Variants in DUSP22 observed in about 807,000 individuals in gnomAD.
The protein encoded by DUSP22 is dual specificity protein phosphatase 22.
Under a neutral mutation model 24.5 loss-of-function variants are expected in DUSP22, and 24 were observed. The observed-to-expected ratio is 0.98, with a 90% CI of 0.71 to 1.38. The LOEUF is 1.38. Ranked by LOEUF, DUSP22 falls within the 40% of genes most tolerant of loss-of-function variation. DUSP22 has a pLI of 0.00. For synonymous variants in DUSP22, 160 were observed against 106.4 expected (o/e 1.50, Z -3.10); for missense variants, 330 against 269.2 (o/e 1.23, Z -1.58).
At chr6:313,135 A>G (rs1255060730) in intron 3 of DUSP22, among the ~76,000 whole-genome samples, 5 of 152,308 alleles carry the variant, frequency 3.3e-5, no homozygotes, top group South Asian at 2.1e-4. Flanking sequence ...CAGCCAAGCT[A>G]TGGCCAAGAT....
intron 6 of DUSP22, 129 bp downstream of exon 6, chr6:348,403 G>A (rs1759992828): frequency 1.4e-6 from 2 of 1,448,270 alleles, no homozygotes; most frequent in Admixed American, 2.2e-5. Flanking sequence ...CGGCTCCCAG[G>A]GCGCCCAGCT....
intron 3 of DUSP22, among the ~76,000 whole-genome samples, chr6:326,827 T>G (rs1189740228): frequency 6.6e-6 from 1 of 152,308 alleles, no homozygotes; most frequent in Non-Finnish European, 1.5e-5. Context: ...AGCTGCAGAT[T>G]AAGAATGCTG....
chr6:329,019 A>G (rs1310046352), intron 3 of DUSP22, among the ~76,000 whole-genome samples: 2 of 152,310 alleles, frequency 1.3e-5, no homozygotes, highest in Admixed American at 6.5e-5. Flanking sequence ...TGGAGGAGAA[A>G]TAATCAAAAT....
rs777078688 is a variant in DUSP22 at position 335,115 on chromosome 6, G to T, written c.140G>T (p.Gly47Val). The T allele has an allele frequency of 1.2e-6, 2 of 1,613,564 alleles. No homozygotes were observed. The highest frequency in any genetic ancestry group is 1.7e-6 in the Non-Finnish European group (2 of 1,179,498). Residue 47 changes from glycine (G) to valine (V), a missense_variant and splice_region_variant, in exon 4 of 7, where the codon GGA (glycine) becomes GTA (valine). Gly to Val is a moderately radical substitution (Grantham distance 109, BLOSUM62 -3). Transcript: ENST00000419235. ...TATTTACTTTTTATTATTCTGCAGG[G>T]AGTTAAATACCTGTGCATCCCAGCA... ...VHDSARPMLE[G>V]VKYLCIPAAD...
At chr6:328,179 C>A (rs1349485228) in intron 3 of DUSP22, among the ~76,000 whole-genome samples, 1 of 152,308 alleles carries the variant, frequency 6.6e-6, no homozygotes, top group Non-Finnish European at 1.5e-5. Flanking sequence ...TTAAGTAATA[C>A]CACGGAATGC....
intron 5 of DUSP22, among the ~76,000 whole-genome samples, chr6:346,169 G>T (rs866816217): frequency 6.6e-6 from 1 of 152,426 alleles, no homozygotes; most frequent in South Asian, 2.1e-4. Flanking sequence ...TAGGATTTCT[G>T]TAGGGACCGT....
intron 3 of DUSP22, among the ~76,000 whole-genome samples, chr6:324,000 A>G (rs1308462962): frequency 6.6e-6 from 1 of 152,306 alleles, no homozygotes; most frequent in Non-Finnish European, 1.5e-5. Flanking sequence ...AGAAGAAAAG[A>G]TCTCATAACT....
Position 350,517 on chromosome 6 carries a change from A to G in DUSP22, c.*1566A>G. ...TCCTGTGCATATAGAGGGTGTGTCA[A>G]AGGTGAGCTTTTTGGGGACCGGGAA... is the stretch of plus-strand genomic sequence containing the variant. On this transcript the variant is annotated 3_prime_UTR_variant, in exon 7 of 7. Transcript: ENST00000419235. 7.6e-7 allele frequency: 1 copy of G among 1,315,162 alleles called. No individual in the cohort carries two copies. The highest frequency in any genetic ancestry group is 9.7e-7 in the Non-Finnish European group (1 of 1,029,982). The allele number at this position is 1,315,162 out of a possible 1,614,324, so 81.5% of individuals were successfully genotyped here.
At chr6:319,189 G>T (rs1342118077) in intron 3 of DUSP22, among the ~76,000 whole-genome samples, 1 of 152,294 alleles carries the variant, frequency 6.6e-6, no homozygotes, top group African/African-American at 2.4e-5. Flanking sequence ...TCATGTCCAA[G>T]TATCTATTCG....
Position 349,413 on chromosome 6 carries a change from T to A in DUSP22, c.*462T>A. The A allele has an allele frequency of 2.0e-6, 2 of 1,019,518 alleles. No homozygotes were observed. Among genetic ancestry groups the A allele is most frequent in the Admixed American group, 5.4e-5 (1 of 18,396 alleles). 63.2% of individuals were successfully genotyped at this position (1,019,518 alleles called of 1,614,324 possible). A position where few individuals can be genotyped will look rare whatever the true frequency, so the allele number is the denominator to read the frequency against. ...CTGCCCGGGTTGGTGTGGCCACCTT[T>A]CCCTTTGTCCAAGACTCCACATGGA... On this transcript the variant is annotated 3_prime_UTR_variant, in exon 7 of 7. Transcript: ENST00000419235.
At chr6:293,262 C>T (rs1018218524) in intron 1 of DUSP22, among the ~76,000 whole-genome samples, 2 of 152,290 alleles carry the variant, frequency 1.3e-5, no homozygotes, top group Admixed American at 6.5e-5. Context: ...ACCTCACTTC[C>T]CGGGCGGTGG....
At chr6:331,701 T>G (rs1186866586) in intron 3 of DUSP22, among the ~76,000 whole-genome samples, 1 of 152,304 alleles carries the variant, frequency 6.6e-6, no homozygotes, top group Non-Finnish European at 1.5e-5. Context: ...ATTGTACACA[T>G]GTGCAGGTAT....
intron 3 of DUSP22, 142 bp downstream of exon 3, chr6:312,104 C>A: frequency 1.1e-6 from 1 of 950,584 alleles, no homozygotes; most frequent in Non-Finnish European, 1.5e-6. Context: ...TGTGTTCAGG[C>A]CGTGTTGATG....
chr6:317,696 C>T (rs1375722510), intron 3 of DUSP22, among the ~76,000 whole-genome samples: 1 of 152,306 alleles, frequency 6.6e-6, no homozygotes, highest in African/African-American at 2.4e-5. Flanking sequence ...CATCGGGCTC[C>T]TGAGCTGGCC....
intron 3 of DUSP22, among the ~76,000 whole-genome samples, chr6:324,520 C>G (rs1308919419): frequency 6.6e-6 from 1 of 152,306 alleles, no homozygotes; most frequent in Non-Finnish European, 1.5e-5. Flanking sequence ...AGCCGCTGTT[C>G]TCATTTCTCT....
rs1434637005 is a variant in DUSP22, at chr6:349,327, C to G, written c.*376C>G. 2 of 1,093,362 alleles carry G rather than the reference C, an allele frequency of 1.8e-6. No individual in the cohort carries two copies. The highest frequency in any genetic ancestry group is 9.7e-5 in the Admixed American group (2 of 20,578). 67.7% of individuals were successfully genotyped at this position (1,093,362 alleles called of 1,614,324 possible). A position where few individuals can be genotyped will look rare whatever the true frequency, so the allele number is the denominator to read the frequency against. On this transcript the variant is annotated 3_prime_UTR_variant, in exon 7 of 7. Coordinates refer to ENST00000419235, the MANE Select transcript of DUSP22 (RefSeq NM_001286555.3). ...TGTATGTTGTGAAAGTGTCTGTGCA[C>G]ATGAATGTTTGTGTGTGTGTGAACT...
Position 350,181 on chromosome 6 carries a change from A to T in DUSP22, c.*1230A>T. On this transcript the variant is annotated 3_prime_UTR_variant, in exon 7 of 7. Transcript: ENST00000419235. ...AATGTTCGGTCATGATTGCTTTTGA[A>T]ACCAAAGGGGAAGGTACCGATATCA... The T allele has an allele frequency of 1.0e-6, 1 of 986,266 alleles. No individual in the cohort carries two copies. The highest frequency in any genetic ancestry group is 1.2e-6 in the Non-Finnish European group (1 of 830,518). The allele number at this position is 986,266 out of a possible 1,614,324, so 61.1% of individuals were successfully genotyped here. A position where few individuals can be genotyped will look rare whatever the true frequency, so the allele number is the denominator to read the frequency against.
intron 4 of DUSP22, among the ~76,000 whole-genome samples, chr6:342,558 GTTGGC>G (rs1456947429): frequency 2.6e-5 from 4 of 152,308 alleles, no homozygotes; most frequent in Non-Finnish European, 5.9e-5. Context: ...GGCCAGATGA[GTTGGC>G]TCAAGGTTTC....
At chr6:308,394 G>A (rs1581152647) in intron 2 of DUSP22, among the ~76,000 whole-genome samples, 1 of 152,420 alleles carries the variant, frequency 6.6e-6, no homozygotes, top group East Asian at 1.9e-4. Flanking sequence ...AAGAATTAAA[G>A]TTCCAGGGTC....
Sources: gnomAD v4.1 joint callset for allele counts (sites outside exome capture counted in the v4.1 genomes callset) on GRCh38, gnomAD v4.1.1 for gene constraint, MANE v1.5 for transcripts, NCBI Gene and HGNC (gene_info 2026-07-23, HGNC 2026-07-21) for gene names.